Variants in RTN1 observed in about 807,000 individuals in gnomAD.
RTN1 encodes reticulon-1.
Under a neutral mutation model 65.5 loss-of-function variants are expected in RTN1, and 25 were observed. The ratio of observed to expected loss-of-function variants is 0.38; its 90% CI spans 0.28 to 0.53. RTN1 has a LOEUF of 0.53. RTN1 is among the 20% of genes least tolerant of loss of function. The pLI is 0.79. For missense variants in RTN1, 983 were observed against 1,025.4 expected, an observed-to-expected ratio of 0.96 and a Z score of 0.57; for synonymous variants, 471 against 447.6, an observed-to-expected ratio of 1.05 and a Z score of -0.66.
intron 1 of RTN1, among the ~76,000 whole-genome samples, chr14:59,807,524 C>T (rs766429387): frequency 6.6e-6 from 1 of 152,192 alleles, no homozygotes; most frequent in Non-Finnish European, 1.5e-5. Flanking sequence ...CTGGACTTTC[C>T]TCTCCCGATG....
intron 3 of RTN1, among the ~76,000 whole-genome samples, chr14:59,686,075 A>T (rs1248040587): frequency 1.3e-5 from 2 of 152,214 alleles, no homozygotes; most frequent in African/African-American, 4.8e-5. Context: ...CGGGGAATGA[A>T]CAGTCTCTTC....
At chr14:59,723,715 T>G (rs1250818925) in intron 3 of RTN1, among the ~76,000 whole-genome samples, 1 of 152,210 alleles carries the variant, frequency 6.6e-6, no homozygotes, top group Non-Finnish European at 1.5e-5. Flanking sequence ...GCACAGGGGA[T>G]CTTGATTCAG....
chr14:59,694,317 T>C (rs888393521), intron 3 of RTN1, among the ~76,000 whole-genome samples: 3 of 152,176 alleles, frequency 2.0e-5, no homozygotes, highest in African/African-American at 7.2e-5. Flanking sequence ...AGGAGAGTCA[T>C]AGTTCTAGGC....
chr14:59,709,177 C>A (rs577743088), intron 3 of RTN1, among the ~76,000 whole-genome samples: 1 of 152,176 alleles, frequency 6.6e-6, no homozygotes, highest in East Asian at 1.9e-4. Flanking sequence ...GGTGAAATGT[C>A]TTGGTGGCTG....
chr14:59,685,592 T>A (rs1010035339), intron 3 of RTN1, among the ~76,000 whole-genome samples: 1 of 152,134 alleles, frequency 6.6e-6, no homozygotes, highest in Non-Finnish European at 1.5e-5. Context: ...ATATTAGGAA[T>A]AAATTTAACC....
intron 2 of RTN1, among the ~76,000 whole-genome samples, chr14:59,743,012 T>C (rs1176090559): frequency 3.3e-5 from 5 of 152,228 alleles, no homozygotes; most frequent in Non-Finnish European, 7.3e-5. Context: ...GTGGGATGTA[T>C]ATGGAGAGAG....
intron 3 of RTN1, among the ~76,000 whole-genome samples, chr14:59,665,069 T>C (rs1883338424): frequency 6.6e-6 from 1 of 152,136 alleles, no homozygotes; most frequent in South Asian, 2.1e-4. Context: ...TTAGTTTACA[T>C]TGTCTCTGAT....
In RTN1 at chr14:59,868,119, T is replaced by C. The variant is rs1887829231; in HGVS notation, c.241+2271A>G. On this transcript the variant is annotated intron_variant, in intron 1 of 8. Transcript: ENST00000267484. This position sits in a 1 kb window ranked among gnomAD's most constrained non-coding sequence, Gnocchi z 4.0. ...CTGCCAAAATAACAGACCAGGAAGC[T>C]GGACAAGATTTGTTTGGAATTTTAA... Among the ~76,000 whole-genome samples the C allele has an allele frequency of 6.6e-6, 1 of 152,216 alleles. No individual in the cohort carries two copies. The highest frequency in any genetic ancestry group is 6.5e-5 in the Admixed American group (1 of 15,284).
At chr14:59,636,392 C>T (rs1882666049) in intron 3 of RTN1, among the ~76,000 whole-genome samples, 1 of 152,150 alleles carries the variant, frequency 6.6e-6, no homozygotes, top group South Asian at 2.1e-4. Context: ...TGTGATGTGC[C>T]TGCTCCCACT....
At chr14:59,729,138 A>C (rs931130345) in intron 2 of RTN1, among the ~76,000 whole-genome samples, 3 of 152,198 alleles carry the variant, frequency 2.0e-5, no homozygotes, top group Admixed American at 6.5e-5. Flanking sequence ...AGATATCCAG[A>C]GGAAAAGCAC....
chr14:59,801,405 T>C (rs988882661), intron 1 of RTN1, among the ~76,000 whole-genome samples: 1 of 152,180 alleles, frequency 6.6e-6, no homozygotes, highest in Non-Finnish European at 1.5e-5. Flanking sequence ...ATAACAGCCT[T>C]CTTATCAGAA....
intron 8 of RTN1, among the ~76,000 whole-genome samples, chr14:59,600,690 A>G (rs573891469): frequency 6.6e-6 from 1 of 152,348 alleles, no homozygotes; most frequent in Admixed American, 6.5e-5. Context: ...AGTGAGAACC[A>G]TGTGACTTGC....
chr14:59,761,862 T>G (rs1428047247), intron 1 of RTN1, among the ~76,000 whole-genome samples: 1 of 152,118 alleles, frequency 6.6e-6, no homozygotes, highest in African/African-American at 2.4e-5. Context: ...TGTGCCAGTG[T>G]TGGGAATTGA....
chr14:59,607,365 T>C lies in RTN1; in HGVS notation c.1893A>G (p.Ala631=), dbSNP rs1490098572. Residue 631 remains alanine (A), a synonymous_variant, in exon 4 of 9, where the codon GCA becomes GCG. Transcript: ENST00000267484. ...VSVVAYLALA[A]LSATISFRIY... is the part of the protein sequence containing the mutation. ...TGCGGAAACTGATGGTGGCTGAGAGTGCGGCCAGGGCCAGGTAGGCCACGA... is the reference window on the plus strand; with the variant it reads ...TGCGGAAACTGATGGTGGCTGAGAGCGCGGCCAGGGCCAGGTAGGCCACGA... 1.2e-6 allele frequency: 2 copies of C among 1,613,200 alleles called. No individual in the cohort carries two copies. The highest frequency in any genetic ancestry group is 1.7e-6 in the Non-Finnish European group (2 of 1,179,782).
At chr14:59,622,489 C>T (rs530254143) in intron 3 of RTN1, among the ~76,000 whole-genome samples, 11 of 149,598 alleles carry the variant, frequency 7.4e-5, no homozygotes, top group Non-Finnish European at 1.6e-4. Context: ...GATTTAACTA[C>T]AATAATTGAC....
intron 1 of RTN1, among the ~76,000 whole-genome samples, chr14:59,777,737 C>T (rs1279255746): frequency 6.6e-6 from 1 of 151,856 alleles, no homozygotes; most frequent in East Asian, 1.9e-4. Context: ...AATATAATAA[C>T]CTTTTCCCCT....
chr14:59,671,263 A>G (rs911023590), intron 3 of RTN1, among the ~76,000 whole-genome samples: 1 of 152,206 alleles, frequency 6.6e-6, no homozygotes, highest in Non-Finnish European at 1.5e-5. Context: ...GTTTTACCAT[A>G]TTTGTGGAAA....
chr14:59,638,095 G>A (rs778944261), intron 3 of RTN1, among the ~76,000 whole-genome samples: 7 of 152,002 alleles, frequency 4.6e-5, no homozygotes, highest in Admixed American at 6.6e-5. Flanking sequence ...CAGGTGATCC[G>A]CCCCCTTCAG....
In RTN1 at chr14:59,726,976, G is replaced by C. The variant is rs868447330; in HGVS notation, c.1708C>G (p.Pro570Ala). Residue 570 changes from proline (P) to alanine (A), a missense_variant, in exon 3 of 9, where the codon CCT becomes GCT. By Grantham distance (27) the Pro-to-Ala change is conservative. Coordinates refer to ENST00000267484, the MANE Select transcript of RTN1 (RefSeq NM_021136.3). ...GGGGCGCCAGGACCTAGAGGCCCAGGGCCCTTTGTGGCCGCAGGACTTTGG... is the reference window on the plus strand; with the variant it reads ...GGGGCGCCAGGACCTAGAGGCCCAGCGCCCTTTGTGGCCGCAGGACTTTGG... ...SNQSPAATKG[P>A]GPLGPGAPPP... 1 of 1,613,294 alleles carries C rather than the reference G, an allele frequency of 6.2e-7. No homozygotes were observed. The highest frequency in any genetic ancestry group is 1.1e-5 in the South Asian group (1 of 90,920).
Sources: allele counts gnomAD v4.1 joint callset (sites outside exome capture counted in the v4.1 genomes callset), GRCh38; gene constraint gnomAD v4.1.1; non-coding constraint Gnocchi (gnomAD v3.1); transcripts MANE v1.5; gene names NCBI Gene and HGNC (gene_info 2026-07-23, HGNC 2026-07-21).